The following WWOX variants were observed in gnomAD, a reference collection of about 807,000 sequenced individuals.
WWOX encodes the protein WW domain-containing oxidoreductase.
In WWOX, 69 loss-of-function variants were observed where a neutral mutation model predicts 46.2. That is an observed-to-expected ratio of 1.49 (90% CI 1.23 to 1.82). The LOEUF (loss-of-function observed/expected upper bound fraction) is 1.82. Among genes scored for constraint, WWOX ranks in the 40% most tolerant of loss-of-function variants. The pLI is 0.00. For missense variants in WWOX, 919 were observed against 542.6 expected (o/e 1.69, Z -6.89); for synonymous variants, 359 against 202.6 (o/e 1.77, Z -6.56).
chr16:78,410,220 G>C (rs750057509), intron 6 of WWOX, among the ~76,000 whole-genome samples: 49 of 152,306 alleles, frequency 3.2e-4, no homozygotes, highest in Non-Finnish European at 6.2e-4. Flanking sequence ...CATGCTTCTT[G>C]TAGAGTCTGC....
intron 5 of WWOX, among the ~76,000 whole-genome samples, chr16:78,193,362 C>G (rs555902380): frequency 2.6e-5 from 4 of 152,314 alleles, no homozygotes; most frequent in Admixed American, 6.5e-5. Context: ...TTATCTCAAG[C>G]TCCCAGAAGT....
intron 8 of WWOX, among the ~76,000 whole-genome samples, chr16:78,776,759 A>G (rs2050199767): frequency 6.6e-6 from 1 of 152,196 alleles, no homozygotes. Context: ...AGTGCACCTT[A>G]CATGGCGGCA....
intron 8 of WWOX, among the ~76,000 whole-genome samples, chr16:78,651,945 G>C (rs1475006461): frequency 6.6e-6 from 1 of 152,096 alleles, no homozygotes; most frequent in East Asian, 1.9e-4. Flanking sequence ...CAGGCACAGG[G>C]ATGGTTGCCA....
chr16:78,541,649 C>G (rs866574085), intron 8 of WWOX, among the ~76,000 whole-genome samples: 2 of 152,024 alleles, frequency 1.3e-5, no homozygotes, highest in Non-Finnish European at 2.9e-5. Context: ...AATCCCGCCT[C>G]TATCATGAAT....
intron 8 of WWOX, among the ~76,000 whole-genome samples, chr16:78,781,251 G>A (rs2142554273): frequency 6.6e-6 from 1 of 152,160 alleles, no homozygotes; most frequent in Non-Finnish European, 1.5e-5. Flanking sequence ...GCCTGGAACT[G>A]GGCACTCAGC....
At chr16:78,896,526 G>C (rs2044704147) in intron 8 of WWOX, 1 of 152,116 alleles carries the variant, frequency 6.6e-6, no homozygotes, top group Admixed American at 6.6e-5. Context: ...ACTTGCATAA[G>C]GTCACATAGC....
At chr16:78,624,182 T>G (rs2046256691) in intron 8 of WWOX, among the ~76,000 whole-genome samples, 1 of 151,956 alleles carries the variant, frequency 6.6e-6, no homozygotes, top group Non-Finnish European at 1.5e-5. Context: ...TCTGAAACCT[T>G]GTTTTATTTA....
intron 6 of WWOX, among the ~76,000 whole-genome samples, chr16:78,415,572 G>A (rs746502778): frequency 6.6e-6 from 1 of 152,120 alleles, no homozygotes; most frequent in Non-Finnish European, 1.5e-5. Flanking sequence ...TGAGACTAAG[G>A]ACAAGATGGA....
intron 5 of WWOX, 118 bp from the exon 6 acceptor site, chr16:78,386,742 G>A (rs996719558): frequency 8.4e-6 from 7 of 837,426 alleles, no homozygotes; most frequent in Non-Finnish European, 1.4e-5. Flanking sequence ...ATTCTCTCTG[G>A]GCGTCTTATA....
chr16:78,596,383 G>C (rs531620425), intron 8 of WWOX, among the ~76,000 whole-genome samples: 1 of 152,132 alleles, frequency 6.6e-6, no homozygotes, highest in Non-Finnish European at 1.5e-5. Flanking sequence ...TGGGGAAGGT[G>C]TACATCAGTG....
intron 8 of WWOX, among the ~76,000 whole-genome samples, chr16:78,544,348 C>G (rs908349533): frequency 3.3e-5 from 5 of 152,216 alleles, no homozygotes; most frequent in African/African-American, 1.2e-4. Context: ...TGAGAGCACT[C>G]TTCTGAACAT....
chr16:78,176,162 G>C (rs1481084551), intron 5 of WWOX, among the ~76,000 whole-genome samples: 5 of 152,126 alleles, frequency 3.3e-5, no homozygotes, highest in Admixed American at 6.5e-5. Flanking sequence ...CCTGCCCTCC[G>C]AGTTCCACTG....
At chr16:78,833,587 A>T (rs1421269115) in intron 8 of WWOX, among the ~76,000 whole-genome samples, 5 of 150,466 alleles carry the variant, frequency 3.3e-5, no homozygotes, top group Non-Finnish European at 7.4e-5. Flanking sequence ...CTGATTTTTC[A>T]TAGTCTTTCG....
At chr16:78,602,826 A>G (rs1332439671) in intron 8 of WWOX, among the ~76,000 whole-genome samples, 1 of 152,128 alleles carries the variant, frequency 6.6e-6, no homozygotes. Context: ...CATTCTCTCC[A>G]TTTTACAGAT....
intron 8 of WWOX, among the ~76,000 whole-genome samples, chr16:79,133,094 C>G (rs2049913438): frequency 6.6e-6 from 1 of 152,202 alleles, no homozygotes; most frequent in Non-Finnish European, 1.5e-5. Context: ...AGGGTTGTTT[C>G]TAGTTTCTTC....
In WWOX at chr16:78,299,108, TG is replaced by T. The variant is rs555495480; in HGVS notation, c.517-87751del. On this transcript the variant is annotated intron_variant, in intron 5 of 8. Transcript: ENST00000566780. ...TTAAATAGTTTGTCTCCAGTGTGGGTGTTAGTCATATTCTTATCAGTATCTG... is the reference window on the plus strand; with the variant it reads ...TTAAATAGTTTGTCTCCAGTGTGGGTTTAGTCATATTCTTATCAGTATCTG... 7.9e-5 allele frequency among the ~76,000 whole-genome samples: 12 copies of T among 152,296 alleles called. 1 individual carries two copies. The South Asian group carries it at 2.5e-3, about 32-fold the overall frequency.
chr16:78,578,282 A>ATTTT (rs1227489730), intron 8 of WWOX, among the ~76,000 whole-genome samples: 207 of 34,182 alleles, frequency 6.1e-3, no homozygotes, highest in Non-Finnish European at 7.0e-3. Context: ...ATATATATAT[A>ATTTT]TATTTTTTTT....
intron 6 of WWOX, among the ~76,000 whole-genome samples, chr16:78,411,797 T>A (rs1246475578): frequency 6.6e-6 from 1 of 152,170 alleles, no homozygotes; most frequent in Non-Finnish European, 1.5e-5. Flanking sequence ...TGGAGTGACA[T>A]GAAGTCATTG....
At chr16:78,656,988 C>T (rs1409407812) in intron 8 of WWOX, among the ~76,000 whole-genome samples, 1 of 152,186 alleles carries the variant, frequency 6.6e-6, no homozygotes, top group East Asian at 1.9e-4. Flanking sequence ...TCTTCGGGCA[C>T]ATGGTGGATG....
Sources: allele counts gnomAD v4.1 joint callset (sites outside exome capture counted in the v4.1 genomes callset), GRCh38; gene constraint gnomAD v4.1.1; transcripts MANE v1.5; gene names NCBI Gene and HGNC (gene_info 2026-07-23, HGNC 2026-07-21).